The following EMC10 variants were observed in gnomAD, a reference collection of about 807,000 sequenced individuals.
EMC10 encodes the protein UPF0510 protein INM02.
EMC10 carries 40 observed loss-of-function variants against 32.2 expected under a neutral mutation model. The observed-to-expected ratio is 1.24, with a 90% CI of 0.96 to 1.61. EMC10 has a LOEUF of 1.61. Among genes scored for constraint, EMC10 ranks in the 40% most tolerant of loss-of-function variants. The pLI is 0.00. For missense variants in EMC10, 402 were observed against 357.7 expected (o/e 1.12, Z -1.00); for synonymous variants, 178 against 158.4 (o/e 1.12, Z -0.93).
Position 50,480,918 on chromosome 19 carries a change from A to G in EMC10, c.619A>G (p.Met207Val). The G allele has an allele frequency of 3.1e-6, 5 of 1,611,776 alleles. No individual in the cohort carries two copies. The highest frequency in any genetic ancestry group is 1.1e-5 in the South Asian group (1 of 90,984). ...ETAAFIERLE[M>V]EQAQKAKNPQ... ...GGCGGCCTTCATTGAGCGCCTGGAG[A>G]TGGAACAGGCCCAGAAGGCCAAGAA... The change falls in exon 6 of 7, where the codon ATG becomes GTG. Residue 207 changes from methionine (M) to valine (V), a missense_variant. Met to Val is a conservative substitution (Grantham distance 21, BLOSUM62 1). Transcript: ENST00000334976. The surrounding 1 kb of genome is among the most constrained non-coding windows in gnomAD (Gnocchi z 4.4).
intron 3 of EMC10, among the ~76,000 whole-genome samples, chr19:50,479,476 C>T (rs2040283894): frequency 6.6e-6 from 1 of 152,190 alleles, no homozygotes; most frequent in African/African-American, 2.4e-5. Context: ...TTGTGGCAGC[C>T]TCAAGGGCCC....
chr19:50,482,775 T>G lies in EMC10; in HGVS notation c.*516T>G. 4.1e-6 allele frequency: 2 copies of G among 490,076 alleles called. No homozygotes were observed. The highest frequency in any genetic ancestry group is 6.5e-5 in the East Asian group (2 of 30,764). 30.4% of individuals were successfully genotyped at this position (490,076 alleles called of 1,614,324 possible). ...CCCCTTGAGGGTACCCTGGGTCCCC[T>G]CATCAGGGGCAGAGGCATGAAAGAG... On this transcript the variant is annotated 3_prime_UTR_variant, in exon 7 of 7. Transcript: ENST00000334976.
rs2040370964 is a variant in EMC10, at chr19:50,484,724, T to G, written c.*2465T>G. The G allele has an allele frequency of 6.6e-6, 1 of 152,154 alleles. No individual in the cohort carries two copies. 9.4% of individuals were successfully genotyped at this position (152,154 alleles called of 1,614,324 possible). On this transcript the variant is annotated 3_prime_UTR_variant, in exon 7 of 7. Coordinates refer to ENST00000334976, the MANE Select transcript of EMC10 (RefSeq NM_206538.4). ...ATTCATGCTTGTAGTCCCAGCTGTT[T>G]GGGAGGCTGAGACAGGAGGATCGCT...
At chr19:50,478,239 G>C (rs986932750) in intron 2 of EMC10, among the ~76,000 whole-genome samples, 1 of 152,162 alleles carries the variant, frequency 6.6e-6, no homozygotes, top group Non-Finnish European at 1.5e-5. Flanking sequence ...ATTTCAGAGC[G>C]GCTTTCCTGA....
chr19:50,476,849 G>A (rs2040232572), intron 1 of EMC10, 191 bp downstream of exon 1: 1 of 486,484 alleles, frequency 2.1e-6, no homozygotes, highest in African/African-American at 2.0e-5. Flanking sequence ...TGCAAGGACT[G>A]GGTGGGAGGA....
Position 50,483,093 on chromosome 19 carries a change from C to T in EMC10, c.*834C>T. 2.0e-6 allele frequency: 1 copy of T among 505,048 alleles called. No individual in the cohort carries two copies. The allele number at this position is 505,048 out of a possible 1,614,324, so 31.3% of individuals were successfully genotyped here. ...CCTGCGGGCCTTTGCTGTGTGCCAC[C>T]CTCCCTGTAAGTCTATTTAAAAACA... On this transcript the variant is annotated 3_prime_UTR_variant, in exon 7 of 7. Transcript: ENST00000334976.
Position 50,480,337 on chromosome 19 carries a change from C to A in EMC10, c.402+122C>A. ...CCCGCAGAGGCCTGGGAGACTCAGA[C>A]CTGGCCTTGCCTTCCGAGGCCTCCT... On this transcript the variant is annotated intron_variant, in intron 4 of 6. Coordinates refer to ENST00000334976, the MANE Select transcript of EMC10 (RefSeq NM_206538.4). This position sits in a 1 kb window ranked among gnomAD's most constrained non-coding sequence, Gnocchi z 4.4. 2 of 1,088,794 alleles carry A rather than the reference C, an allele frequency of 1.8e-6. No homozygotes were observed. Among genetic ancestry groups the A allele is most frequent in the Non-Finnish European group, 2.7e-6 (2 of 752,734 alleles). The allele number at this position is 1,088,794 out of a possible 1,614,324, so 67.4% of individuals were successfully genotyped here. A position where few individuals can be genotyped will look rare whatever the true frequency, so the allele number is the denominator to read the frequency against.
chr19:50,478,055 C>T, intron 2 of EMC10, 54 bp downstream of exon 2: 1 of 1,462,702 alleles, frequency 6.8e-7, no homozygotes, highest in Non-Finnish European at 9.3e-7. Context: ...CCTGAGAAGT[C>T]AAGACTTGGA....
At position 50,483,229 on chromosome 19, in the gene EMC10, C is replaced by A; in HGVS notation, c.*970C>A. ...CTGATGTACAAGCTTGATTGAAATT[C>A]ACTGCTCACTTGATACGTTATTCAG... On this transcript the variant is annotated 3_prime_UTR_variant, in exon 7 of 7. Coordinates refer to ENST00000334976, the MANE Select transcript of EMC10 (RefSeq NM_206538.4). 2.4e-6 allele frequency: 1 copy of A among 421,678 alleles called. No individual in the cohort carries two copies. Among genetic ancestry groups the A allele is most frequent in the East Asian group, 7.3e-5 (1 of 13,754 alleles). 26.1% of individuals were successfully genotyped at this position (421,678 alleles called of 1,614,324 possible).
rs1466771134 is a variant in EMC10, at chr19:50,483,285, T to C, written c.*1026T>C. On this transcript the variant is annotated 3_prime_UTR_variant, in exon 7 of 7. Coordinates refer to ENST00000334976, the MANE Select transcript of EMC10 (RefSeq NM_206538.4). ...CAAGGAATGGCTGTCCCCATCCTCA[T>C]GTGGCTGTGTGGAGCTCAGCTGTGT... is the stretch of plus-strand genomic sequence containing the variant. 3 of 375,804 alleles carry C rather than the reference T, an allele frequency of 8.0e-6. No individual in the cohort carries two copies. The highest frequency in any genetic ancestry group is 2.0e-5 in the South Asian group (1 of 50,798). The allele number at this position is 375,804 out of a possible 1,614,324, so 23.3% of individuals were successfully genotyped here. A position where few individuals can be genotyped will look rare whatever the true frequency, so the allele number is the denominator to read the frequency against.
At chr19:50,477,838 C>T (rs983048282) in intron 1 of EMC10, 91 bp from the exon 2 acceptor site, 1 of 964,948 alleles carries the variant, frequency 1.0e-6, no homozygotes, top group Non-Finnish European at 1.5e-6. Flanking sequence ...CCTCCCTCAG[C>T]CCACCAGTCT....
chr19:50,476,697 C>A (rs984057595), intron 1 of EMC10, 39 bp downstream of exon 1: 1 of 1,314,994 alleles, frequency 7.6e-7, no homozygotes. Flanking sequence ...GCGCGGTCTA[C>A]GGATGTCGCA....
At chr19:50,477,855 C>G in intron 1 of EMC10, 74 bp from the exon 2 acceptor site, 2 of 1,211,240 alleles carry the variant, frequency 1.7e-6, no homozygotes, top group Non-Finnish European at 2.3e-6. Context: ...GTCTGTCTGT[C>G]CTGGGTTCTG....
chr19:50,488,649 GA>G lies in EMC10; in HGVS notation c.*6393del, dbSNP rs546775722. 1.9e-3 allele frequency: 285 copies of G among 151,938 alleles called. No individual in the cohort carries two copies. The Middle Eastern group carries it at 0.033, about 17-fold the overall frequency. The allele number at this position is 151,938 out of a possible 1,614,324, so 9.4% of individuals were successfully genotyped here. On this transcript the variant is annotated 3_prime_UTR_variant, in exon 7 of 7. Transcript: ENST00000334976. The stretch of plus-strand genomic sequence containing the variant: ...AGCTCCAGCCAGAGAAGAGGAAAGA[GA>G]AAGGAGAGAGCTAGGAACTGGGAAG...
At chr19:50,481,083 T>C in intron 6 of EMC10, 106 bp downstream of exon 6, 1 of 813,030 alleles carries the variant, frequency 1.2e-6, no homozygotes, top group East Asian at 2.7e-5. Flanking sequence ...TCGGGCCTGC[T>C]CCTTGTCCTC....
intron 6 of EMC10, chr19:50,481,196 C>T: frequency 1.9e-6 from 1 of 516,206 alleles, no homozygotes; most frequent in East Asian, 3.3e-5. Flanking sequence ...GGCGCAGGGT[C>T]CTGGGGGAGG....
Position 50,480,829 on chromosome 19 carries a change from C to T in EMC10, c.585-55C>T. ...CGGCCCTTCCTGGCGGCCTCAGGGT[C>T]TCCAGGTCCCTGGACTCCGGGCCTC... is the stretch of plus-strand genomic sequence containing the variant. On this transcript the variant is annotated intron_variant, in intron 5 of 6. Transcript: ENST00000334976. This position sits in a 1 kb window ranked among gnomAD's most constrained non-coding sequence, Gnocchi z 4.4. 1 of 1,568,468 alleles carries T rather than the reference C, an allele frequency of 6.4e-7. No homozygotes were observed. The highest frequency in any genetic ancestry group is 8.7e-7 in the Non-Finnish European group (1 of 1,154,220).
chr19:50,480,643 C>T lies in EMC10; in HGVS notation c.465C>T (p.Asn155=), dbSNP rs764683977. The T allele has an allele frequency of 2.8e-5, 44 of 1,587,352 alleles. 1 individual carries two copies. The highest frequency in any genetic ancestry group is 4.6e-5 in the East Asian group (2 of 43,388). ...QLTLHVDVAG[N]VVGVSVVTHP... The stretch of plus-strand genomic sequence containing the variant: ...CCCTGCACGTGGATGTGGCCGGCAA[C>T]GTGGTGGGCGTGTCGGTGGTGACGC... Residue 155 remains asparagine (N), a synonymous_variant, in exon 5 of 7, where the codon AAC becomes AAT. Coordinates refer to ENST00000334976, the MANE Select transcript of EMC10 (RefSeq NM_206538.4). The surrounding 1 kb of genome is among the most constrained non-coding windows in gnomAD (Gnocchi z 4.4).
Position 50,484,850 on chromosome 19 carries a change from A to G in EMC10, c.*2591A>G, listed in dbSNP as rs914945845. ...TGTCTCCAGAATAGACAAAAGATGC[A>G]GTGGAATCCACGTCCAGAAACTGTA... On this transcript the variant is annotated 3_prime_UTR_variant, in exon 7 of 7. Coordinates refer to ENST00000334976, the MANE Select transcript of EMC10 (RefSeq NM_206538.4). 4 of 152,184 alleles carry G rather than the reference A, an allele frequency of 2.6e-5. No homozygotes were observed. Among genetic ancestry groups the G allele is most frequent in the Non-Finnish European group, 5.9e-5 (4 of 68,040 alleles). The allele number at this position is 152,184 out of a possible 1,614,324, so 9.4% of individuals were successfully genotyped here.
Sources: allele counts gnomAD v4.1 joint callset (sites outside exome capture counted in the v4.1 genomes callset), GRCh38; gene constraint gnomAD v4.1.1; non-coding constraint Gnocchi (gnomAD v3.1); transcripts MANE v1.5; gene names NCBI Gene and HGNC (gene_info 2026-07-23, HGNC 2026-07-21).